Variants in ENOX1 observed in about 807,000 individuals in gnomAD.
ENOX1 encodes the protein ecto-NOX disulfide-thiol exchanger 1.
ENOX1 carries 42 observed loss-of-function variants against 82.5 expected under a neutral mutation model. That is an observed-to-expected ratio of 0.51 (90% CI 0.40 to 0.66). The LOEUF is 0.66. Among genes scored for constraint, ENOX1 ranks in the 30% least tolerant of loss-of-function variants. ENOX1 has a pLI of 0.00. For synonymous variants in ENOX1, 271 were observed against 282.2 expected (o/e 0.96, Z 0.40); for missense variants, 608 against 811.6 (o/e 0.75, Z 3.05).
intron 2 of ENOX1, among the ~76,000 whole-genome samples, chr13:43,520,127 GAATA>G (rs2077706651): frequency 6.6e-6 from 1 of 152,118 alleles, no homozygotes; most frequent in Admixed American, 6.6e-5. Flanking sequence ...TCAAATAAGT[GAATA>G]AATAAGTGCA....
chr13:43,265,984 G>T (rs1047565358), intron 13 of ENOX1, among the ~76,000 whole-genome samples: 2 of 152,208 alleles, frequency 1.3e-5, no homozygotes, highest in South Asian at 2.1e-4. Flanking sequence ...GAAAGAGTTT[G>T]GATGACATCT....
At chr13:43,395,438 T>C (rs1247063174) in intron 5 of ENOX1, among the ~76,000 whole-genome samples, 2 of 152,158 alleles carry the variant, frequency 1.3e-5, no homozygotes, top group African/African-American at 2.4e-5. Flanking sequence ...ATCACTTGGA[T>C]AGCTTGAGCC....
At chr13:43,281,072 A>G (rs913169755) in intron 12 of ENOX1, among the ~76,000 whole-genome samples, 5 of 152,206 alleles carry the variant, frequency 3.3e-5, no homozygotes, top group Non-Finnish European at 7.3e-5. Flanking sequence ...CCCTGGATAA[A>G]CTGGTGAGGG....
At chr13:43,689,983 G>A (rs1433506866) in intron 1 of ENOX1, among the ~76,000 whole-genome samples, 6 of 152,066 alleles carry the variant, frequency 3.9e-5, no homozygotes. Context: ...CATTATTAGA[G>A]AATACAACAG....
Position 43,785,629 on chromosome 13 carries a change from G to T in ENOX1, c.-285+1023C>A, listed in dbSNP as rs183839559. ...AGGAGAGAAGCAGGAGTGTATCTGG[G>T]TGAAGAAGCGTGGCTCAGTGGCTAT... On this transcript the variant is annotated intron_variant, in intron 1 of 16. Coordinates refer to ENST00000690772, the MANE Select transcript of ENOX1 (RefSeq NM_001347969.2). 5.9e-5 allele frequency among the ~76,000 whole-genome samples: 9 copies of T among 152,274 alleles called. No individual in the cohort carries two copies. The East Asian group carries it at 1.5e-3, about 26-fold the overall frequency.
chr13:43,763,907 G>A (rs552318099), intron 1 of ENOX1, among the ~76,000 whole-genome samples: 1 of 152,260 alleles, frequency 6.6e-6, no homozygotes, highest in Admixed American at 6.5e-5. Flanking sequence ...AGAGTTACAT[G>A]TATTATCACA....
intron 2 of ENOX1, among the ~76,000 whole-genome samples, chr13:43,500,243 T>C (rs1387455606): frequency 6.6e-6 from 1 of 152,084 alleles, no homozygotes; most frequent in Non-Finnish European, 1.5e-5. Flanking sequence ...ACATTCAAAT[T>C]CATGAGAGAA....
At chr13:43,619,325 C>T (rs1377709386) in intron 2 of ENOX1, among the ~76,000 whole-genome samples, 2 of 151,948 alleles carry the variant, frequency 1.3e-5, no homozygotes, top group Admixed American at 6.6e-5. Context: ...CTCATCTTGT[C>T]AGATTCTCAG....
intron 3 of ENOX1, among the ~76,000 whole-genome samples, chr13:43,460,066 G>C (rs1416207285): frequency 6.6e-6 from 1 of 151,972 alleles, no homozygotes; most frequent in Non-Finnish European, 1.5e-5. Context: ...CTATCCTCAA[G>C]GGGCTTATTG....
At chr13:43,736,898 C>A (rs990224125) in intron 1 of ENOX1, among the ~76,000 whole-genome samples, 1 of 152,132 alleles carries the variant, frequency 6.6e-6, no homozygotes, top group Non-Finnish European at 1.5e-5. Flanking sequence ...AAACTTCTCC[C>A]CCATCTCTCC....
intron 2 of ENOX1, among the ~76,000 whole-genome samples, chr13:43,622,216 T>C (rs978311375): frequency 7.2e-5 from 11 of 152,228 alleles, no homozygotes; most frequent in Admixed American, 5.9e-4. Flanking sequence ...ATTAGCTTTA[T>C]AACTAACCTC....
chr13:43,360,877 C>T (rs538658236), intron 6 of ENOX1, among the ~76,000 whole-genome samples: 19 of 152,308 alleles, frequency 1.2e-4, no homozygotes, highest in African/African-American at 4.3e-4. Context: ...CTCCCCAGCC[C>T]CCAAATTGCT....
At chr13:43,675,547 T>C (rs953021365) in intron 1 of ENOX1, among the ~76,000 whole-genome samples, 1 of 152,220 alleles carries the variant, frequency 6.6e-6, no homozygotes, top group African/African-American at 2.4e-5. Flanking sequence ...TGTAAACATA[T>C]ATGTTTTAAT....
chr13:43,280,998 T>C (rs546665129), intron 12 of ENOX1, among the ~76,000 whole-genome samples: 1 of 152,190 alleles, frequency 6.6e-6, no homozygotes, highest in South Asian at 2.1e-4. Flanking sequence ...ATTTTAGGAA[T>C]GTCAGAGTAA....
intron 2 of ENOX1, 136 bp downstream of exon 2, chr13:43,667,343 A>T: frequency 2.1e-6 from 1 of 487,688 alleles, no homozygotes. Flanking sequence ...ATCTTCTGCC[A>T]CAGGCCCTCT....
At chr13:43,383,226 A>G (rs1358699802) in intron 5 of ENOX1, among the ~76,000 whole-genome samples, 1 of 152,094 alleles carries the variant, frequency 6.6e-6, no homozygotes, top group Non-Finnish European at 1.5e-5. Context: ...TAAGATAAAA[A>G]CTTGCAGGGT....
chr13:43,234,711 G>A (rs1166423607), intron 15 of ENOX1, among the ~76,000 whole-genome samples: 1 of 152,086 alleles, frequency 6.6e-6, no homozygotes, highest in African/African-American at 2.4e-5. Context: ...GACATCAGCA[G>A]GCATAGCATG....
intron 1 of ENOX1, among the ~76,000 whole-genome samples, chr13:43,680,988 AAGAG>A (rs1162413828): frequency 6.6e-6 from 1 of 152,120 alleles, no homozygotes; most frequent in African/African-American, 2.4e-5. Context: ...AAAGGAGAGA[AAGAG>A]AGAGCAAACA....
At chr13:43,265,178 G>GT (rs1384018409) in intron 14 of ENOX1, among the ~76,000 whole-genome samples, 7 of 152,228 alleles carry the variant, frequency 4.6e-5, no homozygotes, top group Admixed American at 1.3e-4. Flanking sequence ...ATTTTTGATG[G>GT]TGGGGATTAG....
Sources: allele counts gnomAD v4.1 joint callset (sites outside exome capture counted in the v4.1 genomes callset), GRCh38; gene constraint gnomAD v4.1.1; transcripts MANE v1.5; gene names NCBI Gene and HGNC (gene_info 2026-07-23, HGNC 2026-07-21).